ID4: variants seen among roughly 807,000 people sequenced by gnomAD.
ID4 encodes the protein DNA-binding protein inhibitor ID-4.
In ID4, 9 loss-of-function variants were observed where a neutral mutation model predicts 8.6. The ratio of observed to expected loss-of-function variants is 1.04; its 90% CI spans 0.63 to 1.82. The LOEUF (loss-of-function observed/expected upper bound fraction) is 1.82. ID4 is among the 40% of genes most tolerant of loss of function. The pLI is 0.00. For missense variants in ID4, 270 were observed against 235.1 expected (o/e 1.15, Z -0.97); for synonymous variants, 180 against 118.0 (o/e 1.53, Z -3.41).
At chr6:19,838,689 C>A in intron 2 of ID4, 47 bp downstream of exon 2, 1 of 1,558,934 alleles carries the variant, frequency 6.4e-7, no homozygotes, top group Non-Finnish European at 8.8e-7. Flanking sequence ...CAGAGACGCC[C>A]GTCCCCGAGG....
rs541589203 is a variant in ID4 at position 19,841,025 on chromosome 6, A to G, written c.*1830A>G. 1.3e-5 allele frequency among the ~76,000 whole-genome samples: 2 copies of G among 152,336 alleles called. No individual in the cohort carries two copies. Among genetic ancestry groups the G allele is most frequent in the Non-Finnish European group, 2.9e-5 (2 of 68,006 alleles). ...TATGAGGTCAAATTCAGATATTTAT[A>G]TGAATATGAAATACCATGGTCCCTA... On this transcript the variant is annotated 3_prime_UTR_variant, in exon 3 of 3. Coordinates refer to ENST00000378700, the MANE Select transcript of ID4 (RefSeq NM_001546.4).
At chr6:19,838,314 C>A (rs952115696) in intron 1 of ID4, 119 bp downstream of exon 1, 1 of 1,065,296 alleles carries the variant, frequency 9.4e-7, no homozygotes, top group Non-Finnish European at 1.2e-6. Flanking sequence ...AATGACAGCC[C>A]CCTCCCCCTG....
rs181539743 is a variant in ID4 at position 19,839,838 on chromosome 6, T to G, written c.*643T>G. The G allele has an allele frequency of 2.0e-5, 3 of 151,066 alleles. No homozygotes were observed. The highest frequency in any genetic ancestry group is 1.9e-4 in the East Asian group (1 of 5,168). 9.4% of individuals were successfully genotyped at this position (151,066 alleles called of 1,614,324 possible). ...TTTTTTTGTAAATATTATGTGTGTGTTTTTTTTTAATCTATGGGAATATTT... is the reference window on the plus strand; with the variant it reads ...TTTTTTTGTAAATATTATGTGTGTGGTTTTTTTTAATCTATGGGAATATTT... On this transcript the variant is annotated 3_prime_UTR_variant, in exon 3 of 3. Transcript: ENST00000378700.
At chr6:19,838,274 T>C in intron 1 of ID4, 79 bp downstream of exon 1, 1 of 1,236,372 alleles carries the variant, frequency 8.1e-7, no homozygotes, top group Non-Finnish European at 1.0e-6. Flanking sequence ...ACGCGGGCGC[T>C]CACCGTCCTC....
In ID4 at chr6:19,838,262, G is replaced by A. The variant is rs1761270327; in HGVS notation, c.441+67G>A. 3.1e-6 allele frequency: 4 copies of A among 1,272,324 alleles called. No homozygotes were observed. The Admixed American group carries it at 1.3e-4, about 40-fold the overall frequency. 78.8% of individuals were successfully genotyped at this position (1,272,324 alleles called of 1,614,324 possible). A position where few individuals can be genotyped will look rare whatever the true frequency, so the allele number is the denominator to read the frequency against. On this transcript the variant is annotated intron_variant, in intron 1 of 2. Transcript: ENST00000378700. ...ATGGGAGGTTGGTGGCGTGGTGGCG[G>A]GACGCGGGCGCTCACCGTCCTCCGG...
At chr6:19,838,704 C>T in intron 2 of ID4, 62 bp downstream of exon 2, 1 of 1,463,554 alleles carries the variant, frequency 6.8e-7, no homozygotes, top group Non-Finnish European at 9.5e-7. Flanking sequence ...CCGAGGGCTT[C>T]CGGGGCCAGG....
chr6:19,838,150 A>C lies in ID4; in HGVS notation c.396A>C (p.Pro132=). The change falls in exon 1 of 3, where the codon CCA becomes CCC. Residue 132 remains proline, a synonymous_variant. Transcript: ENST00000378700. ...CACACCACCCGGCCGGGACCTGTCC[A>C]GCCGCGCCGCCGCGGACCCCGCTCA... The part of the protein sequence containing the change: ...APPHHPAGTC[P]AAPPRTPLTA... 6.5e-7 allele frequency: 1 copy of C among 1,529,690 alleles called. No homozygotes were observed. 94.8% of individuals were successfully genotyped at this position (1,529,690 alleles called of 1,614,324 possible). A position where few individuals can be genotyped will look rare whatever the true frequency, so the allele number is the denominator to read the frequency against.
Position 19,838,372 on chromosome 6 carries a change from G to A in ID4, c.441+177G>A, listed in dbSNP as rs372332299. On this transcript the variant is annotated intron_variant, in intron 1 of 2. Transcript: ENST00000378700. Reference sequence around the variant, plus strand: ...GCCAGCAGCCGGCCGGGCTCGGCGAGCGCGGGTCCGGGAGAACGCGCAGGG... The same window carrying A: ...GCCAGCAGCCGGCCGGGCTCGGCGAACGCGGGTCCGGGAGAACGCGCAGGG... 2.6e-5 allele frequency among the ~76,000 whole-genome samples: 4 copies of A among 152,090 alleles called. No homozygotes were observed. In the East Asian group the frequency reaches 5.8e-4, roughly 22 times the overall value.
In ID4 at chr6:19,838,506, C is replaced by T. The variant is rs887644900; in HGVS notation, c.442-78C>T. The T allele has an allele frequency of 1.5e-4, 241 of 1,587,088 alleles. 1 individual carries two copies. Among genetic ancestry groups the T allele is most frequent in the Non-Finnish European group, 1.7e-4 (201 of 1,156,530 alleles). ...GGCGTCGGCGCGCCAGCCTGATTTC[C>T]GAGGACAATCCAGGACCGTGTCGAG... is the stretch of plus-strand genomic sequence containing the variant. On this transcript the variant is annotated intron_variant, in intron 1 of 2. Transcript: ENST00000378700.
rs1761239461 is a variant in ID4 at position 19,837,444 on chromosome 6, G to C, written c.-311G>C. 1.3e-5 allele frequency: 2 copies of C among 157,112 alleles called. No homozygotes were observed. Among genetic ancestry groups the C allele is most frequent in the Non-Finnish European group, 2.8e-5 (2 of 71,512 alleles). 9.7% of individuals were successfully genotyped at this position (157,112 alleles called of 1,614,324 possible). On this transcript the variant is annotated 5_prime_UTR_variant, in exon 1 of 3. Transcript: ENST00000378700. ...GATCCCGGGCTAGGGGAGCGCGGCG[G>C]CCGCGATCGGGCTTAGTCGGAGCTC... is the stretch of plus-strand genomic sequence containing the variant.
Position 19,837,841 on chromosome 6 carries a change from C to G in ID4, c.87C>G (p.Ala29=), listed in dbSNP as rs1761254214. 6 of 1,173,718 alleles carry G rather than the reference C, an allele frequency of 5.1e-6. No homozygotes were observed. The highest frequency in any genetic ancestry group is 4.1e-5 in the South Asian group (1 of 24,150). 72.7% of individuals were successfully genotyped at this position (1,173,718 alleles called of 1,614,324 possible). A position where few individuals can be genotyped will look rare whatever the true frequency, so the allele number is the denominator to read the frequency against. The part of the protein sequence containing the change: ...GGGELALRCL[A]EHGHSLGGSA... ...GGGAGCTGGCGCTGCGCTGCCTGGCCGAGCACGGCCACAGCCTGGGTGGCT... is the reference window on the plus strand; with the variant it reads ...GGGAGCTGGCGCTGCGCTGCCTGGCGGAGCACGGCCACAGCCTGGGTGGCT... The change falls in exon 1 of 3, where the codon GCC becomes GCG. Residue 29 remains alanine (A), a synonymous_variant. Transcript: ENST00000378700.
intron 1 of ID4, 146 bp downstream of exon 1, chr6:19,838,341 C>G: frequency 1.9e-6 from 2 of 1,027,412 alleles, no homozygotes; most frequent in Non-Finnish European, 2.6e-6. Flanking sequence ...CGGGCTCCCC[C>G]GGGCCGCCAG....
intron 2 of ID4, chr6:19,838,906 C>T (rs998759873): frequency 7.5e-6 from 4 of 532,670 alleles, no homozygotes; most frequent in African/African-American, 3.9e-5. Flanking sequence ...GCGGGCTCTT[C>T]TGCCTTCCCT....
At chr6:19,838,802 TA>T in intron 2 of ID4, 160 bp downstream of exon 2, 1 of 625,986 alleles carries the variant, frequency 1.6e-6, no homozygotes, top group South Asian at 1.9e-5. Flanking sequence ...AAGTAGCAAG[TA>T]AACCCGTACT....
At chr6:19,838,730 T>C (rs1045766586) in intron 2 of ID4, 88 bp downstream of exon 2, 3 of 1,183,076 alleles carry the variant, frequency 2.5e-6, no homozygotes, top group African/African-American at 3.0e-5. Flanking sequence ...CGGTGTTCTT[T>C]GCCCCCAGCG....
rs1014043072 is a variant in ID4 at position 19,839,969 on chromosome 6, C to T, written c.*774C>T. 1 of 152,046 alleles carries T rather than the reference C, an allele frequency of 6.6e-6. No individual in the cohort carries two copies. Among genetic ancestry groups the T allele is most frequent in the Non-Finnish European group, 1.5e-5 (1 of 68,004 alleles). The allele number at this position is 152,046 out of a possible 1,614,324, so 9.4% of individuals were successfully genotyped here. ...TTGCTTTTGTTTTGCCCAGTATAGACTCGGAAGTAACAGTTATAGCTAGTG... is the reference window on the plus strand; with the variant it reads ...TTGCTTTTGTTTTGCCCAGTATAGATTCGGAAGTAACAGTTATAGCTAGTG... On this transcript the variant is annotated 3_prime_UTR_variant, in exon 3 of 3. Coordinates refer to ENST00000378700, the MANE Select transcript of ID4 (RefSeq NM_001546.4).
At chr6:19,838,420 C>T (rs997530419) in intron 1 of ID4, among the ~76,000 whole-genome samples, 164 bp from the exon 2 acceptor site, 2 of 152,142 alleles carry the variant, frequency 1.3e-5, no homozygotes, top group Non-Finnish European at 2.9e-5. Context: ...CTGTGGGCGC[C>T]CTGGGCTGTC....
In ID4 at chr6:19,837,411, A is replaced by T. The variant is rs1372953502; in HGVS notation, c.-344A>T. ...AGGCGCGGTTGTGAGTAGTACCGGG[A>T]GTGGGGTGATCCCGGGCTAGGGGAG... On this transcript the variant is annotated 5_prime_UTR_variant, in exon 1 of 3. Coordinates refer to ENST00000378700, the MANE Select transcript of ID4 (RefSeq NM_001546.4). 1.3e-5 allele frequency: 2 copies of T among 153,714 alleles called. No individual in the cohort carries two copies. Among genetic ancestry groups the T allele is most frequent in the East Asian group, 3.9e-4 (2 of 5,180 alleles). 9.5% of individuals were successfully genotyped at this position (153,714 alleles called of 1,614,324 possible). A position where few individuals can be genotyped will look rare whatever the true frequency, so the allele number is the denominator to read the frequency against.
intron 1 of ID4, 69 bp downstream of exon 1, chr6:19,838,264 A>G: frequency 7.9e-7 from 1 of 1,269,396 alleles, no homozygotes. Context: ...TGGTGGCGGG[A>G]CGCGGGCGCT....
Sources: gnomAD v4.1 joint callset for allele counts (sites outside exome capture counted in the v4.1 genomes callset) on GRCh38, gnomAD v4.1.1 for gene constraint, MANE v1.5 for transcripts, NCBI Gene and HGNC (gene_info 2026-07-23, HGNC 2026-07-21) for gene names.